ATAD2B: variants seen among roughly 807,000 people sequenced by gnomAD.
ATAD2B encodes the protein ATPase family AAA domain-containing protein 2B.
A neutral mutation model predicts 167.6 loss-of-function variants in ATAD2B; 40 were observed. The observed-to-expected ratio is 0.24, with a 90% confidence interval of 0.19 to 0.31. ATAD2B has a LOEUF of 0.31. Ranked by LOEUF, ATAD2B falls within the 10% of genes least tolerant of loss-of-function variation. The pLI is 1.00. For missense variants in ATAD2B, 1,242 were observed against 1,757.2 expected (o/e 0.71, Z 5.24); for synonymous variants, 579 against 596.5 (o/e 0.97, Z 0.43).
intron 14 of ATAD2B, 33 bp from the exon 15 acceptor site, chr2:23,828,972 GC>G (rs747708752): frequency 1.6e-5 from 23 of 1,420,952 alleles, no homozygotes; most frequent in East Asian, 4.6e-5. Context: ...ATAAAATCTT[GC>G]CCAAGAAGAA....
chr2:23,790,725 GATACATAGT>G (rs1681553898), intron 19 of ATAD2B, among the ~76,000 whole-genome samples: 1 of 152,180 alleles, frequency 6.6e-6, no homozygotes, highest in African/African-American at 2.4e-5. Flanking sequence ...CACTGGTTGT[GATACATAGT>G]ATTCACTCAT....
chr2:23,822,246 A>G (rs1329776046), intron 16 of ATAD2B, among the ~76,000 whole-genome samples: 2 of 152,140 alleles, frequency 1.3e-5, no homozygotes, highest in Non-Finnish European at 2.9e-5. Context: ...TATTAATTAA[A>G]TTACCAGGCT....
chr2:23,738,840 A>T, the ATAD2B span, among the ~76,000 whole-genome samples: 1 of 152,212 alleles, frequency 6.6e-6, no homozygotes, highest in South Asian at 2.1e-4. Context: ...GCTCAAAATA[A>T]AGGGATGGAG....
chr2:23,691,585 C>A, the ATAD2B span: 1 of 1,122,812 alleles, frequency 8.9e-7, no homozygotes, highest in Non-Finnish European at 1.3e-6. Context: ...AAGGGCATGA[C>A]CAAGGTGTGC....
the ATAD2B span, among the ~76,000 whole-genome samples, chr2:23,687,509 A>G: frequency 6.6e-6 from 1 of 152,168 alleles, no homozygotes; most frequent in African/African-American, 2.4e-5. Flanking sequence ...CTCAGCAAAC[A>G]CACAGGAGCC....
At chr2:23,883,846 A>G (rs1339079565) in intron 6 of ATAD2B, among the ~76,000 whole-genome samples, 1 of 152,178 alleles carries the variant, frequency 6.6e-6, no homozygotes, top group East Asian at 1.9e-4. Flanking sequence ...ATCCATTTCA[A>G]TAAAGATTAA....
At chr2:23,691,440 A>G in the ATAD2B span, 1 of 581,268 alleles carries the variant, frequency 1.7e-6, no homozygotes, top group South Asian at 2.1e-5. Context: ...CTTTTTTTGC[A>G]TGGACATGCC....
chr2:23,877,503 A>G (rs1360326158), intron 7 of ATAD2B, among the ~76,000 whole-genome samples: 1 of 70,970 alleles, frequency 1.4e-5, no homozygotes, highest in Non-Finnish European at 2.7e-5. Flanking sequence ...AAGGGAAGGG[A>G]AGGGGAGGGA....
chr2:23,760,705 C>T (rs1349596312), intron 24 of ATAD2B, among the ~76,000 whole-genome samples: 388 of 128,544 alleles, frequency 3.0e-3, no homozygotes, highest in African/African-American at 3.5e-3. Context: ...TATATACACA[C>T]ACACACACAC....
At chr2:23,803,647 T>G (rs2712062) in intron 18 of ATAD2B, among the ~76,000 whole-genome samples, 13 of 152,356 alleles carry the variant, frequency 8.5e-5, no homozygotes, top group African/African-American at 3.1e-4. Flanking sequence ...TTCACTCCAA[T>G]TGATAATATT....
At chr2:23,818,237 G>T in intron 17 of ATAD2B, among the ~76,000 whole-genome samples, 1 of 62,190 alleles carries the variant, frequency 1.6e-5, no homozygotes, top group Admixed American at 1.5e-4. Context: ...AAGAGAGGGA[G>T]GGAGGGAGGG....
At position 23,777,348 on chromosome 2, in the gene ATAD2B, ATATATC is replaced by A. The variant is rs71402507; in HGVS notation, c.3133+5515_3133+5520del. On this transcript the variant is annotated intron_variant, in intron 22 of 27. Transcript: ENST00000238789. Reference sequence around the variant, plus strand: ...GCATTATGGATCTATCATAATACTGATATATCTATATCTATATCTATATCTATATCT... The same window carrying A: ...GCATTATGGATCTATCATAATACTGATATATCTATATCTATATCTATATCT... 5.6e-3 allele frequency among the ~76,000 whole-genome samples: 822 copies of A among 146,326 alleles called. 7 individuals carry two copies. Among genetic ancestry groups the A allele is most frequent in the South Asian group, 9.9e-3 (44 of 4,446 alleles).
At chr2:23,720,250 G>T in the ATAD2B span, among the ~76,000 whole-genome samples, 12 of 152,286 alleles carry the variant, frequency 7.9e-5, no homozygotes, top group Admixed American at 7.2e-4. Context: ...TACAGCAGAG[G>T]AGTGTAGACC....
At chr2:23,695,797 C>T in the ATAD2B span, 1 of 1,550,160 alleles carries the variant, frequency 6.5e-7, no homozygotes. The surrounding 1 kb of genome is among the most constrained non-coding windows in gnomAD (Gnocchi z 7.6). Context: ...GCAGACGCCC[C>T]GAACCCGGCC....
chr2:23,860,274 T>C (rs1386637544), intron 12 of ATAD2B, among the ~76,000 whole-genome samples: 2 of 152,242 alleles, frequency 1.3e-5, no homozygotes, highest in African/African-American at 4.8e-5. Context: ...ACACAGTCTG[T>C]GATCTTCTGT....
intron 22 of ATAD2B, among the ~76,000 whole-genome samples, chr2:23,775,372 C>A (rs1404822820): frequency 6.6e-6 from 1 of 151,856 alleles, no homozygotes; most frequent in Non-Finnish European, 1.5e-5. Flanking sequence ...CACCACCATG[C>A]CCAGCTAATT....
intron 17 of ATAD2B, among the ~76,000 whole-genome samples, chr2:23,814,292 C>T (rs965875598): frequency 6.6e-6 from 1 of 152,088 alleles, no homozygotes; most frequent in East Asian, 1.9e-4. Flanking sequence ...CTATAGAATG[C>T]CTCCTATGCT....
At chr2:23,887,710 C>T in intron 4 of ATAD2B, 122 bp downstream of exon 4, 1 of 845,904 alleles carries the variant, frequency 1.2e-6, no homozygotes. Context: ...CACCCAGCTT[C>T]AAGTTAAGTT....
At chr2:23,741,889 C>T in the ATAD2B span, among the ~76,000 whole-genome samples, 14 of 151,924 alleles carry the variant, frequency 9.2e-5, no homozygotes, top group South Asian at 4.1e-4. Context: ...AAAAAGTGGG[C>T]GAAGAACATG....
Sources: gnomAD v4.1 joint callset for allele counts (sites outside exome capture counted in the v4.1 genomes callset) on GRCh38, gnomAD v4.1.1 for gene constraint, Gnocchi (gnomAD v3.1) non-coding constraint, MANE v1.5 for transcripts, NCBI Gene and HGNC (gene_info 2026-07-23, HGNC 2026-07-21) for gene names.